Variants in PCDH9 observed in about 807,000 individuals in gnomAD.
PCDH9 encodes the protein protocadherin-9.
In PCDH9, 24 loss-of-function variants were observed where a neutral mutation model predicts 70.6. The observed-to-expected ratio is 0.34, with a 90% confidence interval of 0.25 to 0.48. The LOEUF is 0.48. Ranked by LOEUF, PCDH9 falls within the 20% of genes least tolerant of loss-of-function variation. The pLI is 0.99. For synonymous variants in PCDH9, 562 were observed against 558.5 expected (o/e 1.01, Z -0.09); for missense variants, 1,281 against 1,503.6 (o/e 0.85, Z 2.45).
rs765033393 is a variant in PCDH9, at chr13:67,072,003, C to T, written c.3036+153402G>A. Among the ~76,000 whole-genome samples the T allele has an allele frequency of 1.5e-4, 23 of 151,314 alleles. 1 individual carries two copies. Among genetic ancestry groups the T allele is most frequent in the Admixed American group, 5.9e-4 (9 of 15,172 alleles). On this transcript the variant is annotated intron_variant, in intron 2 of 4. Coordinates refer to ENST00000377865, the MANE Select transcript of PCDH9 (RefSeq NM_203487.3). ...TTACAATGTGGTTTATGCAATTGAA[C>T]GTTTGATAACTGAAAGCTGTAGAGT...
At chr13:66,589,837 T>C (rs2077015827) in intron 4 of PCDH9, among the ~76,000 whole-genome samples, 1 of 152,110 alleles carries the variant, frequency 6.6e-6, no homozygotes, top group Non-Finnish European at 1.5e-5. Flanking sequence ...CATATTATAG[T>C]TAAATGAAAT....
At chr13:66,853,872 G>A (rs750143345) in intron 3 of PCDH9, among the ~76,000 whole-genome samples, 13 of 151,790 alleles carry the variant, frequency 8.6e-5, no homozygotes, top group Non-Finnish European at 1.9e-4. Flanking sequence ...ACCACACCCA[G>A]CTATGAATCA....
chr13:67,033,722 A>G (rs1370026401), intron 2 of PCDH9, among the ~76,000 whole-genome samples: 11 of 152,212 alleles, frequency 7.2e-5, no homozygotes, highest in Non-Finnish European at 1.2e-4. Context: ...GCTTTCTGCA[A>G]TATGAGCTTA....
intron 4 of PCDH9, among the ~76,000 whole-genome samples, chr13:66,445,497 T>C (rs1467457962): frequency 6.9e-6 from 1 of 144,684 alleles, no homozygotes; most frequent in African/African-American, 2.5e-5. Context: ...TATATACACA[T>C]ATATAATATA....
At chr13:66,517,086 C>T (rs1316278714) in intron 4 of PCDH9, among the ~76,000 whole-genome samples, 1 of 152,078 alleles carries the variant, frequency 6.6e-6, no homozygotes, top group Non-Finnish European at 1.5e-5. Flanking sequence ...GGCCAGTAGA[C>T]AAGAAGTTTG....
intron 4 of PCDH9, among the ~76,000 whole-genome samples, chr13:66,306,633 T>A (rs530334866): frequency 2.6e-5 from 4 of 151,880 alleles, no homozygotes; most frequent in African/African-American, 9.7e-5. Flanking sequence ...CGATTTTTTT[T>A]ATATCTAAAA....
chr13:66,631,466 C>T, intron 3 of PCDH9, 55 bp from the exon 4 acceptor site: 1 of 997,720 alleles, frequency 1.0e-6, no homozygotes, highest in South Asian at 1.3e-5. Context: ...ATAAAACAGG[C>T]CTAGTGGAAC....
intron 2 of PCDH9, chr13:67,208,379 T>C (rs1163301328): frequency 2.0e-5 from 3 of 152,176 alleles, no homozygotes; most frequent in African/African-American, 7.2e-5. Flanking sequence ...ATTTGTTGGA[T>C]GAATACTTAG....
chr13:66,772,765 A>C (rs1390965702), intron 3 of PCDH9, among the ~76,000 whole-genome samples: 7 of 152,126 alleles, frequency 4.6e-5, no homozygotes, highest in Non-Finnish European at 1.0e-4. Flanking sequence ...TTATTCTCAA[A>C]TATTAAATAT....
chr13:66,525,324 T>C (rs573803214), intron 4 of PCDH9, among the ~76,000 whole-genome samples: 1 of 152,096 alleles, frequency 6.6e-6, no homozygotes, highest in East Asian at 1.9e-4. Context: ...TGAATTATTC[T>C]TTCTGCTTTC....
At chr13:66,350,797 T>C (rs1482764700) in intron 4 of PCDH9, among the ~76,000 whole-genome samples, 4 of 152,216 alleles carry the variant, frequency 2.6e-5, no homozygotes, top group Non-Finnish European at 5.9e-5. Context: ...TCCTGCTTCT[T>C]ATTTTCTACA....
chr13:66,542,745 C>G (rs148413119), intron 4 of PCDH9, among the ~76,000 whole-genome samples: 1 of 140,270 alleles, frequency 7.1e-6, no homozygotes, highest in Non-Finnish European at 1.5e-5. Flanking sequence ...TATATATCTC[C>G]GAGATATTTA....
At chr13:66,962,462 A>T (rs2083364104) in intron 2 of PCDH9, among the ~76,000 whole-genome samples, 1 of 152,208 alleles carries the variant, frequency 6.6e-6, no homozygotes, top group Non-Finnish European at 1.5e-5. Flanking sequence ...CAATTTTGTC[A>T]TTGTGGGAAC....
chr13:66,793,478 C>G (rs990009442), intron 3 of PCDH9, among the ~76,000 whole-genome samples: 1 of 152,072 alleles, frequency 6.6e-6, no homozygotes, highest in African/African-American at 2.4e-5. Flanking sequence ...ATTATATTGG[C>G]TTTAGTGGTA....
intron 3 of PCDH9, among the ~76,000 whole-genome samples, chr13:66,779,849 C>CTCTATATA (rs1395244975): frequency 0.044 from 3,459 of 78,760 alleles, 81 homozygotes; most frequent in South Asian, 0.057. Flanking sequence ...CTCTCTCTCT[C>CTCTATATA]TATATATATA....
At chr13:66,830,249 G>A (rs1026658200) in intron 3 of PCDH9, among the ~76,000 whole-genome samples, 1 of 152,056 alleles carries the variant, frequency 6.6e-6, no homozygotes, top group Admixed American at 6.6e-5. Flanking sequence ...TGATTAGACA[G>A]GTGGCTCACA....
chr13:66,592,676 T>G (rs2077052840), intron 4 of PCDH9, among the ~76,000 whole-genome samples: 1 of 151,782 alleles, frequency 6.6e-6, no homozygotes, highest in South Asian at 2.1e-4. Flanking sequence ...CCTTTTCTCA[T>G]TTTATCTATG....
chr13:67,026,149 A>C (rs1351673437), intron 2 of PCDH9, among the ~76,000 whole-genome samples: 1 of 152,116 alleles, frequency 6.6e-6, no homozygotes, highest in Non-Finnish European at 1.5e-5. Flanking sequence ...GATTACATTT[A>C]TTGATTTGCG....
intron 2 of PCDH9, chr13:67,213,450 A>G (rs1247446542): frequency 6.6e-6 from 1 of 151,958 alleles, no homozygotes; most frequent in Non-Finnish European, 1.5e-5. Flanking sequence ...TGTGTTTAAC[A>G]TTTTGCCTGA....
Sources: allele counts gnomAD v4.1 joint callset (sites outside exome capture counted in the v4.1 genomes callset), GRCh38; gene constraint gnomAD v4.1.1; transcripts MANE v1.5; gene names NCBI Gene and HGNC (gene_info 2026-07-23, HGNC 2026-07-21).